The following NSMAF variants were observed in gnomAD, a reference collection of about 807,000 sequenced individuals.
NSMAF encodes the protein protein FAN.
A neutral mutation model predicts 134.9 loss-of-function variants in NSMAF; 90 were observed. That is an observed-to-expected ratio of 0.67 (90% confidence interval 0.56 to 0.79). NSMAF has a LOEUF of 0.79. NSMAF is among the 30% of genes least tolerant of loss of function. The probability of loss-of-function intolerance (pLI) is 0.00; values close to 1 mark genes in which losing one functional copy is unlikely to be tolerated. For missense variants in NSMAF, 1,010 were observed against 1,119.0 expected (o/e 0.90, Z 1.39); for synonymous variants, 358 against 389.6 (o/e 0.92, Z 0.96).
At chr8:58,649,703 GCCT>G (rs1187808427) in intron 1 of NSMAF, among the ~76,000 whole-genome samples, 1 of 152,112 alleles carries the variant, frequency 6.6e-6, no homozygotes, top group Non-Finnish European at 1.5e-5. Flanking sequence ...AGAGTCCAGA[GCCT>G]CCTCCTCCTC....
intron 6 of NSMAF, among the ~76,000 whole-genome samples, chr8:58,627,469 C>A (rs1243090979): frequency 2.0e-5 from 3 of 152,136 alleles, no homozygotes; most frequent in South Asian, 4.1e-4. Context: ...TCTAAAGACT[C>A]ATCCAAAAAG....
At chr8:58,644,048 A>G (rs1807390994) in intron 1 of NSMAF, among the ~76,000 whole-genome samples, 1 of 152,238 alleles carries the variant, frequency 6.6e-6, no homozygotes, top group Non-Finnish European at 1.5e-5. Context: ...AAGAAGTGAA[A>G]ACAGGCATTT....
intron 23 of NSMAF, among the ~76,000 whole-genome samples, chr8:58,591,248 G>A (rs11995355): frequency 0.019 from 2,860 of 152,140 alleles, 41 homozygotes; most frequent in African/African-American, 0.042. Flanking sequence ...AAGTTACAGG[G>A]AGGAAAATAG....
intron 1 of NSMAF, among the ~76,000 whole-genome samples, chr8:58,649,245 GCC>G (rs1424752455): frequency 6.6e-6 from 1 of 152,190 alleles, no homozygotes; most frequent in Non-Finnish European, 1.5e-5. Flanking sequence ...GAGGCCTACT[GCC>G]CCTTTCTTTT....
chr8:58,583,537 A>AGAT lies in NSMAF; in HGVS notation c.*566_*568dup, dbSNP rs1805814992. ...GAGAAAAATATTTTTAATGTAGAAA[A>AGAT]GATGAATAGCTGTAATGAAATACAA... On this transcript the variant is annotated 3_prime_UTR_variant, in exon 31 of 31. Coordinates refer to ENST00000038176, the MANE Select transcript of NSMAF (RefSeq NM_003580.4). 1 of 152,226 alleles carries AGAT rather than the reference A, an allele frequency of 6.6e-6. No individual in the cohort carries two copies. Among genetic ancestry groups the AGAT allele is most frequent in the Non-Finnish European group, 1.5e-5 (1 of 68,066 alleles). 9.4% of individuals were successfully genotyped at this position (152,226 alleles called of 1,614,324 possible). A position where few individuals can be genotyped will look rare whatever the true frequency, so the allele number is the denominator to read the frequency against.
At chr8:58,630,020 A>G (rs1585752746) in intron 6 of NSMAF, among the ~76,000 whole-genome samples, 1 of 152,144 alleles carries the variant, frequency 6.6e-6, no homozygotes, top group Non-Finnish European at 1.5e-5. Flanking sequence ...AGAACTCTGG[A>G]TGTATAGTCC....
chr8:58,622,915 G>T (rs555121024), intron 9 of NSMAF, among the ~76,000 whole-genome samples: 5 of 152,274 alleles, frequency 3.3e-5, no homozygotes, highest in African/African-American at 1.2e-4. Flanking sequence ...TCAGGTAGGT[G>T]AACTAAAAGC....
intron 16 of NSMAF, 137 bp from the exon 17 acceptor site, chr8:58,600,158 C>A: frequency 1.5e-6 from 1 of 655,488 alleles, no homozygotes; most frequent in East Asian, 2.7e-5. Context: ...CTAACCATCT[C>A]TCTGAGTGTC....
chr8:58,596,571 T>C (rs1178885926), intron 21 of NSMAF, among the ~76,000 whole-genome samples: 3 of 152,206 alleles, frequency 2.0e-5, no homozygotes, highest in Admixed American at 1.3e-4. Flanking sequence ...ACAGATACCC[T>C]GTAAATGTTT....
intron 2 of NSMAF, among the ~76,000 whole-genome samples, chr8:58,635,947 G>C (rs1392252734): frequency 1.3e-5 from 2 of 152,060 alleles, no homozygotes; most frequent in African/African-American, 4.8e-5. Context: ...ATTTACTTTG[G>C]CTTTCTATTC....
intron 1 of NSMAF, among the ~76,000 whole-genome samples, chr8:58,654,616 T>C (rs1807662570): frequency 6.6e-6 from 1 of 152,172 alleles, no homozygotes; most frequent in Non-Finnish European, 1.5e-5. Flanking sequence ...TCATGGAATG[T>C]CTGAAACAAA....
chr8:58,621,479 T>G (rs761727034), intron 9 of NSMAF, among the ~76,000 whole-genome samples: 1 of 152,222 alleles, frequency 6.6e-6, no homozygotes, highest in Admixed American at 6.5e-5. Context: ...TACGCAATCA[T>G]GGGACTGCTG....
At chr8:58,613,267 A>C (rs1270599558) in intron 9 of NSMAF, among the ~76,000 whole-genome samples, 1 of 152,222 alleles carries the variant, frequency 6.6e-6, no homozygotes, top group Non-Finnish European at 1.5e-5. Flanking sequence ...AAATAAGAAT[A>C]CTGTATTGTG....
chr8:58,646,028 C>T (rs185229292), intron 1 of NSMAF, among the ~76,000 whole-genome samples: 1 of 151,998 alleles, frequency 6.6e-6, no homozygotes, highest in African/African-American at 2.4e-5. Flanking sequence ...GCAACAAGAG[C>T]GAGACTCCGT....
At chr8:58,601,572 G>T in intron 14 of NSMAF, 37 bp from the exon 15 acceptor site, 1 of 1,552,880 alleles carries the variant, frequency 6.4e-7, no homozygotes, top group Non-Finnish European at 8.6e-7. Context: ...AGAGCTAAGT[G>T]TTGGCTATGA....
chr8:58,605,939 C>A lies in NSMAF; in HGVS notation c.856G>T (p.Ala286Ser). 1 of 1,571,818 alleles carries A rather than the reference C, an allele frequency of 6.4e-7. No individual in the cohort carries two copies. Among genetic ancestry groups the A allele is most frequent in the Non-Finnish European group, 8.6e-7 (1 of 1,164,814 alleles). ...GTGAGCGCCAAACCTAGGTATGTGG[C>A]AATGTAAAAATAGAGATCATCTCTA... ...QDRDDLYFYI[A>S]TYLEHHVAEH... The change falls in exon 12 of 31, where the codon GCC becomes TCC. Residue 286 changes from alanine (A) to serine (S), a missense_variant. Transcript: ENST00000038176.
At chr8:58,644,285 C>T (rs1391012966) in intron 1 of NSMAF, among the ~76,000 whole-genome samples, 1 of 152,066 alleles carries the variant, frequency 6.6e-6, no homozygotes, top group Non-Finnish European at 1.5e-5. Context: ...CAGGCTAAAG[C>T]AAATTGGAGA....
At chr8:58,589,143 AT>A (rs1176688171) in intron 26 of NSMAF, among the ~76,000 whole-genome samples, 1 of 148,448 alleles carries the variant, frequency 6.7e-6, no homozygotes, top group Non-Finnish European at 1.5e-5. Context: ...TGTTTAAAAA[AT>A]ATATAATATG....
chr8:58,657,952 T>C (rs75647812), intron 1 of NSMAF, among the ~76,000 whole-genome samples: 15,510 of 152,264 alleles, frequency 0.1, 938 homozygotes, highest in African/African-American at 0.17. Context: ...GTTTCAAGGT[T>C]TGTGTGACAC....
Sources: allele counts gnomAD v4.1 joint callset (sites outside exome capture counted in the v4.1 genomes callset), GRCh38; gene constraint gnomAD v4.1.1; transcripts MANE v1.5; gene names NCBI Gene and HGNC (gene_info 2026-07-23, HGNC 2026-07-21).